NEGR1: variants seen among roughly 807,000 people sequenced by gnomAD.
The protein encoded by NEGR1 is neuronal growth regulator 1.
In NEGR1, 10 loss-of-function variants were observed where a neutral mutation model predicts 40.9. The observed-to-expected ratio is 0.24, with a 90% CI of 0.15 to 0.42. The LOEUF is 0.42. NEGR1 is among the 10% of genes least tolerant of loss of function. NEGR1 has a pLI of 1.00. For missense variants in NEGR1, 352 were observed against 438.9 expected, an observed-to-expected ratio of 0.80 and a Z score of 1.77; for synonymous variants, 185 against 166.8, an observed-to-expected ratio of 1.11 and a Z score of -0.84.
intron 3 of NEGR1, among the ~76,000 whole-genome samples, chr1:71,714,562 C>G (rs1449562829): frequency 1.3e-5 from 2 of 152,314 alleles, no homozygotes; most frequent in Non-Finnish European, 1.5e-5. Context: ...AATGGAGGTA[C>G]AGGCATTGGG....
chr1:71,560,079 CATGATGATGATG>C (rs3050879), intron 6 of NEGR1, among the ~76,000 whole-genome samples: 2 of 149,626 alleles, frequency 1.3e-5, no homozygotes, highest in Admixed American at 1.3e-4. Context: ...ACTAAGAGGT[CATGATGATGATG>C]ATGATGATGA....
chr1:71,902,467 A>G (rs529626987), intron 2 of NEGR1, among the ~76,000 whole-genome samples: 86 of 152,326 alleles, frequency 5.6e-4, no homozygotes, highest in Non-Finnish European at 1.0e-3. Context: ...AAGTATTTTT[A>G]TGAGGAGTTA....
intron 1 of NEGR1, among the ~76,000 whole-genome samples, chr1:72,154,517 G>T (rs907542372): frequency 2.0e-5 from 3 of 151,820 alleles, no homozygotes; most frequent in African/African-American, 7.3e-5. Context: ...GAATGAGAAC[G>T]ATTCTAGGAA....
At chr1:71,475,915 G>A (rs891907184) in intron 6 of NEGR1, among the ~76,000 whole-genome samples, 6 of 151,570 alleles carry the variant, frequency 4.0e-5, no homozygotes, top group Admixed American at 2.0e-4. Flanking sequence ...TTTCATTGAT[G>A]TTCACTTGTA....
chr1:72,213,555 A>C (rs146411819), intron 1 of NEGR1, among the ~76,000 whole-genome samples: 1 of 152,008 alleles, frequency 6.6e-6, no homozygotes, highest in Admixed American at 6.6e-5. Flanking sequence ...TCTACCAGAA[A>C]GTGTCAGCTA....
At position 72,221,694 on chromosome 1, in the gene NEGR1, C is replaced by T. The variant is rs900810363; in HGVS notation, c.176+60625G>A. ...TAGTTGACTAAAATCCTCAAAAAAT[C>T]CTGAAGTCCTATTAATTTTTTTTAC... On this transcript the variant is annotated intron_variant, in intron 1 of 6. Transcript: ENST00000357731. 1.1e-4 allele frequency among the ~76,000 whole-genome samples: 16 copies of T among 152,220 alleles called. No homozygotes were observed. In the South Asian group the frequency reaches 3.3e-3, roughly 32 times the overall value.
intron 2 of NEGR1, among the ~76,000 whole-genome samples, chr1:71,860,251 C>G (rs763387841): frequency 6.6e-6 from 1 of 151,310 alleles, no homozygotes; most frequent in Non-Finnish European, 1.5e-5. Flanking sequence ...AGACAATATA[C>G]GCTTGCTTGC....
At chr1:72,163,749 G>GATAA (rs1651673330) in intron 1 of NEGR1, among the ~76,000 whole-genome samples, 1 of 121,694 alleles carries the variant, frequency 8.2e-6, no homozygotes, top group African/African-American at 3.2e-5. Context: ...TAGATAGATA[G>GATAA]ATAGATAGAT....
At chr1:71,568,204 C>A (rs914514110) in intron 6 of NEGR1, among the ~76,000 whole-genome samples, 1 of 151,942 alleles carries the variant, frequency 6.6e-6, no homozygotes, top group Non-Finnish European at 1.5e-5. Context: ...TTTTATTAAC[C>A]CCTCTATGAA....
chr1:72,000,561 A>AT (rs1646548332), intron 1 of NEGR1, among the ~76,000 whole-genome samples: 2 of 152,142 alleles, frequency 1.3e-5, no homozygotes, highest in Non-Finnish European at 2.9e-5. Flanking sequence ...TTTAAAACAC[A>AT]TTTTTCTATT....
At chr1:72,277,279 C>G (rs17092532) in intron 1 of NEGR1, among the ~76,000 whole-genome samples, 3,290 of 152,226 alleles carry the variant, frequency 0.022, 114 homozygotes, top group African/African-American at 0.076. Context: ...AAGTATGGGT[C>G]TGGCCAATCA....
intron 1 of NEGR1, among the ~76,000 whole-genome samples, chr1:72,032,275 C>A (rs985711961): frequency 8.5e-5 from 13 of 152,084 alleles, no homozygotes; most frequent in African/African-American, 3.1e-4. Flanking sequence ...AAATAACTGA[C>A]GTGCAAATGG....
chr1:71,882,565 A>G (rs1660611129), intron 2 of NEGR1, among the ~76,000 whole-genome samples: 1 of 152,090 alleles, frequency 6.6e-6, no homozygotes, highest in South Asian at 2.1e-4. Flanking sequence ...TCTTGCAAAC[A>G]CAATGTGTAA....
At chr1:71,521,774 A>G (rs1226032694) in intron 6 of NEGR1, among the ~76,000 whole-genome samples, 1 of 151,996 alleles carries the variant, frequency 6.6e-6, no homozygotes, top group Non-Finnish European at 1.5e-5. Context: ...AGAGGGGAGA[A>G]GATACTACAA....
At chr1:72,019,555 C>T (rs1453982021) in intron 1 of NEGR1, among the ~76,000 whole-genome samples, 1 of 152,114 alleles carries the variant, frequency 6.6e-6, no homozygotes, top group Non-Finnish European at 1.5e-5. Context: ...GGAATGAACC[C>T]TTGATCAGAT....
chr1:72,051,752 C>T (rs975922432), intron 1 of NEGR1, among the ~76,000 whole-genome samples: 1 of 151,400 alleles, frequency 6.6e-6, no homozygotes, highest in African/African-American at 2.4e-5. Flanking sequence ...ATTTTCTAAG[C>T]TGTCATATAA....
intron 6 of NEGR1, among the ~76,000 whole-genome samples, chr1:71,584,014 C>T (rs907025204): frequency 2.0e-5 from 3 of 152,154 alleles, no homozygotes; most frequent in African/African-American, 2.4e-5. Flanking sequence ...GGCTAAAATT[C>T]GGAAAATCCA....
chr1:72,138,593 G>A (rs1650556219), intron 1 of NEGR1, among the ~76,000 whole-genome samples: 1 of 151,762 alleles, frequency 6.6e-6, no homozygotes, highest in Non-Finnish European at 1.5e-5. Context: ...ATAGAAAAAA[G>A]GTTATTTCAG....
intron 6 of NEGR1, among the ~76,000 whole-genome samples, chr1:71,509,253 A>T (rs1315700207): frequency 2.0e-5 from 3 of 152,212 alleles, no homozygotes; most frequent in Non-Finnish European, 4.4e-5. Flanking sequence ...TTGGCTCTAT[A>T]CCAGGACAAG....
Sources: allele counts gnomAD v4.1 joint callset (sites outside exome capture counted in the v4.1 genomes callset), GRCh38; gene constraint gnomAD v4.1.1; transcripts MANE v1.5; gene names NCBI Gene and HGNC (gene_info 2026-07-23, HGNC 2026-07-21).